Variants in PCDHA6 observed in about 807,000 individuals in gnomAD.
PCDHA6 encodes protocadherin alpha 6, also known as protocadherin alpha-6.
PCDHA6 carries 55 observed loss-of-function variants against 60.3 expected under a neutral mutation model. That is an observed-to-expected ratio of 0.91 (90% CI 0.73 to 1.14). The LOEUF is 1.14. Ranked by LOEUF, PCDHA6 falls within the 50% of genes most tolerant of loss-of-function variation. The pLI is 0.00. For missense variants in PCDHA6, 1,327 were observed against 1,256.5 expected (o/e 1.06, Z -0.85); for synonymous variants, 652 against 557.9 (o/e 1.17, Z -2.38).
At chr5:140,852,771 G>A (rs1284369835) in intron 1 of PCDHA6, 2 of 980,778 alleles carry the variant, frequency 2.0e-6, no homozygotes, top group African/African-American at 3.5e-5. Context: ...CTGATTATTT[G>A]ATGTGAATAG....
At chr5:140,920,184 AAT>A (rs782376164) in intron 1 of PCDHA6, among the ~76,000 whole-genome samples, 19 of 152,348 alleles carry the variant, frequency 1.2e-4, no homozygotes, top group East Asian at 9.6e-4. Context: ...AGTGTGTAGT[AAT>A]TTGTCACAGC....
intron 1 of PCDHA6, chr5:140,869,869 G>T: frequency 6.2e-7 from 1 of 1,610,244 alleles, no homozygotes; most frequent in Non-Finnish European, 8.5e-7. Flanking sequence ...GGAAAATGCT[G>T]CTAAAGAAAC....
chr5:140,836,192 CA>C, intron 1 of PCDHA6: 1 of 1,613,846 alleles, frequency 6.2e-7, no homozygotes, highest in Non-Finnish European at 8.5e-7. Flanking sequence ...ACTCAGGCTA[CA>C]ACGCGTGGCT....
rs1770760911 is a variant in PCDHA6, at chr5:140,830,025, A to G, written c.1934A>G (p.His645Arg). ...CTGGACGAAGCGGACTCTCCGCGCC[A>G]CCGGCTGCTGGTGCTGGTGAAAGAC... ...RVLDEADSPR[H>R]RLLVLVKDHG... is the part of the protein sequence containing the mutation. Residue 645 changes from histidine to arginine, a missense_variant, in exon 1 of 4, where the codon CAC (histidine) becomes CGC (arginine). By Grantham distance (29) the His-to-Arg change is conservative. Transcript: ENST00000529310. 1 of 1,613,706 alleles carries G rather than the reference A, an allele frequency of 6.2e-7. No homozygotes were observed.
At chr5:140,901,906 G>T (rs1275600408) in intron 1 of PCDHA6, among the ~76,000 whole-genome samples, 1 of 151,902 alleles carries the variant, frequency 6.6e-6, no homozygotes, top group Non-Finnish European at 1.5e-5. Context: ...TCATTGTGGA[G>T]ATCTTTCACT....
At chr5:140,856,015 G>T (rs781811609) in intron 1 of PCDHA6, 3 of 1,550,260 alleles carry the variant, frequency 1.9e-6, no homozygotes, top group Non-Finnish European at 2.6e-6. Flanking sequence ...CTAGACCGCT[G>T]ATTCGTCGAT....
chr5:140,850,082 G>A lies in PCDHA6; in HGVS notation c.2394+19597G>A. On this transcript the variant is annotated intron_variant, in intron 1 of 3. Coordinates refer to ENST00000529310, the MANE Select transcript of PCDHA6 (RefSeq NM_018909.4). ...AGCCGTTGGACCACGAGGAGCTGGA[G>A]CTGCTACAGTTCCAGGTGAGCGCGC... 2 of 1,596,634 alleles carry A rather than the reference G, an allele frequency of 1.3e-6. 1 individual carries two copies. Among genetic ancestry groups the A allele is most frequent in the Non-Finnish European group, 1.7e-6 (2 of 1,167,856 alleles).
chr5:140,978,575 G>A (rs2096810585), intron 1 of PCDHA6, among the ~76,000 whole-genome samples: 1 of 152,202 alleles, frequency 6.6e-6, no homozygotes, highest in African/African-American at 2.4e-5. Flanking sequence ...ATACTGAATT[G>A]GGAATGTTCC....
At chr5:140,889,503 C>G (rs2062252341) in intron 1 of PCDHA6, among the ~76,000 whole-genome samples, 2 of 151,950 alleles carry the variant, frequency 1.3e-5, no homozygotes, top group Admixed American at 1.3e-4. Context: ...AGTGATATTT[C>G]CCTTTCCATT....
chr5:140,847,661 T>C (rs1781128482), intron 1 of PCDHA6: 1 of 149,742 alleles, frequency 6.7e-6, no homozygotes, highest in Non-Finnish European at 1.5e-5. Flanking sequence ...TCATAGATTA[T>C]AAAGCTTGGA....
intron 1 of PCDHA6, among the ~76,000 whole-genome samples, chr5:140,845,167 T>C (rs954186731): frequency 6.7e-6 from 1 of 149,652 alleles, no homozygotes; most frequent in Non-Finnish European, 1.5e-5. Context: ...CGAATTGTTT[T>C]CATTTTAGTC....
intron 1 of PCDHA6, chr5:140,835,816 C>G (rs1554135300): frequency 6.2e-7 from 1 of 1,612,730 alleles, no homozygotes; most frequent in Non-Finnish European, 8.5e-7. Flanking sequence ...TTCACTGTGT[C>G]GGCGGGGGAC....
At chr5:140,833,066 C>T (rs2150205911) in intron 1 of PCDHA6, among the ~76,000 whole-genome samples, 8 of 152,126 alleles carry the variant, frequency 5.3e-5, no homozygotes, top group Non-Finnish European at 8.8e-5. Context: ...TGAGAAAAAC[C>T]TTTTGTATAA....
At position 140,870,851 on chromosome 5, in the gene PCDHA6, C is replaced by G. The variant is rs1562652583; in HGVS notation, c.2394+40366C>G. ...GCAGTTAACAAGCTAGTACCGCGGT[C>G]GGTGGGTGCGGGCCACGTGGTGGCG... is the stretch of plus-strand genomic sequence containing the variant. On this transcript the variant is annotated intron_variant, in intron 1 of 3. Transcript: ENST00000529310. The G allele has an allele frequency of 1.9e-6, 3 of 1,613,838 alleles. No homozygotes were observed. Among genetic ancestry groups the G allele is most frequent in the Non-Finnish European group, 2.5e-6 (3 of 1,179,894 alleles).
chr5:140,971,970 A>C (rs2096510217), intron 1 of PCDHA6, among the ~76,000 whole-genome samples: 1 of 152,130 alleles, frequency 6.6e-6, no homozygotes, highest in Non-Finnish European at 1.5e-5. Flanking sequence ...TTTTTTCAAT[A>C]CTATGAGTAG....
chr5:141,003,086 G>T (rs782184121), intron 3 of PCDHA6, among the ~76,000 whole-genome samples: 7 of 152,194 alleles, frequency 4.6e-5, no homozygotes, highest in Non-Finnish European at 1.0e-4. Flanking sequence ...GAGTTTAACA[G>T]GCCTGGCATT....
chr5:140,870,218 G>A, intron 1 of PCDHA6: 1 of 1,614,172 alleles, frequency 6.2e-7, no homozygotes, highest in Non-Finnish European at 8.5e-7. Context: ...GCCCTGATCA[G>A]CGTGTCTGAC....
intron 1 of PCDHA6, chr5:140,861,434 CA>C: frequency 4.1e-6 from 2 of 489,520 alleles, no homozygotes; most frequent in Non-Finnish European, 4.2e-6. Context: ...AGTTGGATTC[CA>C]AAAGCCGCAG....
At chr5:140,915,069 C>T (rs2076962975) in intron 1 of PCDHA6, among the ~76,000 whole-genome samples, 2 of 151,484 alleles carry the variant, frequency 1.3e-5, no homozygotes, top group Admixed American at 6.6e-5. Flanking sequence ...CCTTAGCCTA[C>T]TGAGTAGCTG....
Sources: gnomAD v4.1 joint callset for allele counts (sites outside exome capture counted in the v4.1 genomes callset) on GRCh38, gnomAD v4.1.1 for gene constraint, MANE v1.5 for transcripts, NCBI Gene and HGNC (gene_info 2026-07-23, HGNC 2026-07-21) for gene names.